The following MOCOS variants were observed in gnomAD, a reference collection of about 807,000 sequenced individuals.
MOCOS encodes the protein human molybdenum cofactor sulfurase.
MOCOS carries 86 observed loss-of-function variants against 83.6 expected under a neutral mutation model. That is an observed-to-expected ratio of 1.03 (90% confidence interval 0.86 to 1.23). The LOEUF is 1.23. Among genes scored for constraint, MOCOS ranks in the 50% most tolerant of loss-of-function variants. The probability of loss-of-function intolerance (pLI) is 0.00; values close to 1 mark genes in which losing one functional copy is unlikely to be tolerated. For synonymous variants in MOCOS, 445 were observed against 434.7 expected (o/e 1.02, Z -0.29); for missense variants, 1,120 against 1,126.9 (o/e 0.99, Z 0.09).
intron 11 of MOCOS, among the ~76,000 whole-genome samples, chr18:36,254,580 T>C (rs2144144662): frequency 6.6e-6 from 1 of 151,080 alleles, no homozygotes; most frequent in African/African-American, 2.4e-5. Context: ...TTCCTTTTCA[T>C]ATATATGTGT....
intron 9 of MOCOS, among the ~76,000 whole-genome samples, chr18:36,232,918 G>T (rs2091543984): frequency 6.7e-6 from 1 of 150,186 alleles, no homozygotes; most frequent in South Asian, 2.1e-4. Context: ...ATTAATTGAT[G>T]AACACTTAAG....
At position 36,215,938 on chromosome 18, in the gene MOCOS, C is replaced by G. The variant is rs756552495; in HGVS notation, c.1758C>G (p.Asn586Lys). Residue 586 changes from asparagine (N) to lysine (K), a missense_variant, in exon 8 of 15, where the codon AAC becomes AAG. By Grantham distance (94) the Asn-to-Lys change is moderately conservative. Coordinates refer to ENST00000261326, the MANE Select transcript of MOCOS (RefSeq NM_017947.4). ...EGALGPHVVTNLYLYPIKSCA... is the reference protein window; with the variant it reads ...EGALGPHVVTKLYLYPIKSCA... ...CCCTTGGGCCACATGTTGTCACTAA[C>G]CTTTATCTCTATCCAATCAAATCCT... 6.2e-7 allele frequency: 1 copy of G among 1,613,838 alleles called. No individual in the cohort carries two copies. The highest frequency in any genetic ancestry group is 8.5e-7 in the Non-Finnish European group (1 of 1,179,938).
At chr18:36,201,449 G>A (rs1385395173) in intron 4 of MOCOS, among the ~76,000 whole-genome samples, 1 of 152,050 alleles carries the variant, frequency 6.6e-6, no homozygotes, top group Non-Finnish European at 1.5e-5. Flanking sequence ...GGATCATGAG[G>A]TCAGGAGTTC....
At chr18:36,227,016 A>G (rs2091518391) in intron 9 of MOCOS, among the ~76,000 whole-genome samples, 2 of 146,654 alleles carry the variant, frequency 1.4e-5, no homozygotes, top group Admixed American at 1.3e-4. Flanking sequence ...CCTCCTGAGT[A>G]GTCCTAAGCT....
In MOCOS at chr18:36,198,687, C is replaced by T. The variant is rs1175886517; in HGVS notation, c.233-3C>T. 2 of 1,614,152 alleles carry T rather than the reference C, an allele frequency of 1.2e-6. No homozygotes were observed. The highest frequency in any genetic ancestry group is 1.7e-5 in the Admixed American group (1 of 60,020). On this transcript the variant is annotated splice_polypyrimidine_tract_variant and splice_region_variant and intron_variant, in intron 2 of 14. Coordinates refer to ENST00000261326, the MANE Select transcript of MOCOS (RefSeq NM_017947.4). ...TGGTGGCCTTGTCTTTGTAACCTGC[C>T]AGGTAATCCTCACAGCCAGAACATC...
chr18:36,218,992 C>T (rs1337595586), intron 8 of MOCOS, among the ~76,000 whole-genome samples: 1 of 149,180 alleles, frequency 6.7e-6, no homozygotes, highest in East Asian at 2.0e-4. Flanking sequence ...CCTCAGCCTC[C>T]AGAGCAGCTA....
At chr18:36,251,935 G>A (rs1052670283) in intron 11 of MOCOS, among the ~76,000 whole-genome samples, 4 of 152,050 alleles carry the variant, frequency 2.6e-5, no homozygotes, top group South Asian at 2.1e-4. Context: ...CTGCAGCAAC[G>A]TAGCAACCTT....
intron 10 of MOCOS, 70 bp downstream of exon 10, chr18:36,249,070 G>A: frequency 7.6e-7 from 1 of 1,310,828 alleles, no homozygotes; most frequent in South Asian, 1.2e-5. Flanking sequence ...AGAGGGTAAT[G>A]CCCTATGCAA....
At chr18:36,235,105 C>T (rs978114619) in intron 9 of MOCOS, among the ~76,000 whole-genome samples, 4 of 151,954 alleles carry the variant, frequency 2.6e-5, no homozygotes, top group Admixed American at 6.6e-5. Flanking sequence ...CATGCCTTCT[C>T]AACAGTACCC....
At chr18:36,234,366 T>C (rs1044674464) in intron 9 of MOCOS, among the ~76,000 whole-genome samples, 2 of 152,236 alleles carry the variant, frequency 1.3e-5, no homozygotes, top group Non-Finnish European at 2.9e-5. Flanking sequence ...TTCTGGGTTC[T>C]TTATTCTGTT....
chr18:36,191,749 T>C (rs1160604077), intron 1 of MOCOS, among the ~76,000 whole-genome samples: 1 of 11,382 alleles, frequency 8.8e-5, no homozygotes, highest in Non-Finnish European at 2.2e-4. Context: ...AAAATACGTG[T>C]GCACACACAC....
chr18:36,200,294 T>C lies in MOCOS; in HGVS notation c.911T>C (p.Phe304Ser), dbSNP rs1351466756. The change falls in exon 4 of 15, where the codon TTC becomes TCC. Residue 304 changes from phenylalanine to serine, a missense_variant. By Grantham distance (155) the Phe-to-Ser change is radical (BLOSUM62 -2). Coordinates refer to ENST00000261326, the MANE Select transcript of MOCOS (RefSeq NM_017947.4). ...TASAYLAGED[F>S]YIPRQSVAQR... ...TCTGCGTACCTAGCAGGAGAAGACT[T>C]CTACATCCCGAGGCAGTCGGTAGCT... is the stretch of plus-strand genomic sequence containing the variant. 6.2e-7 allele frequency: 1 copy of C among 1,613,992 alleles called. No homozygotes were observed. The highest frequency in any genetic ancestry group is 1.3e-5 in the African/African-American group (1 of 74,910).
At position 36,266,757 on chromosome 18, in the gene MOCOS, G is replaced by A. The variant is rs528754639; in HGVS notation, c.2418G>A (p.Gly806=). The A allele has an allele frequency of 2.2e-5, 36 of 1,614,006 alleles. No homozygotes were observed. The highest frequency in any genetic ancestry group is 1.5e-4 in the Admixed American group (9 of 60,030). Residue 806 remains glycine (G), a synonymous_variant, in exon 14 of 15, where the codon GGG becomes GGA. Transcript: ENST00000261326. The part of the protein sequence containing the change: ...SIGSLRFQVL[G]PCHRCQMICI... ...TCCTTCTCACCTGCCAGGTTTTGGG[G>A]CCTTGTCACAGATGCCAGATGATTT...
rs759595391 is a variant in MOCOS at position 36,205,152 on chromosome 18, A to T, written c.1094A>T (p.Tyr365Phe). 1 of 1,613,490 alleles carries T rather than the reference A, an allele frequency of 6.2e-7. No individual in the cohort carries two copies. Among genetic ancestry groups the T allele is most frequent in the South Asian group, 1.1e-5 (1 of 91,056 alleles). The change falls in exon 6 of 15, where the codon TAC becomes TTC. Residue 365 changes from tyrosine to phenylalanine, a missense_variant. Transcript: ENST00000261326. ...TACGTGGCCCTGTCCTCTCTCCAGT[A>T]CCCCAATGGAGCCCCTGTGGTGCGG... Reference protein sequence around the residue: ...YTYVALSSLQYPNGAPVVRIY... With the variant: ...YTYVALSSLQFPNGAPVVRIY...
rs1180215077 is a variant in MOCOS, at chr18:36,271,644, C to CT, written c.*2965dup. 6.6e-6 allele frequency: 1 copy of CT among 152,186 alleles called. No homozygotes were observed. Among genetic ancestry groups the CT allele is most frequent in the East Asian group, 1.9e-4 (1 of 5,168 alleles). 9.4% of individuals were successfully genotyped at this position (152,186 alleles called of 1,614,324 possible). A position where few individuals can be genotyped will look rare whatever the true frequency, so the allele number is the denominator to read the frequency against. ...CTTGGTGTTAGAGTCACAAAAAGTC[C>CT]TTTTTTAAAAAAACTTGGTGAGAAC... is the stretch of plus-strand genomic sequence containing the variant. On this transcript the variant is annotated 3_prime_UTR_variant, in exon 15 of 15. Coordinates refer to ENST00000261326, the MANE Select transcript of MOCOS (RefSeq NM_017947.4).
Position 36,268,851 on chromosome 18 carries a change from C to A in MOCOS, c.*166C>A. 1 of 656,094 alleles carries A rather than the reference C, an allele frequency of 1.5e-6. No homozygotes were observed. 40.6% of individuals were successfully genotyped at this position (656,094 alleles called of 1,614,324 possible). ...CTTCTGCCTTTGACTTCTCACCCTG[C>A]AAATTTGCACTGGCTGTGCTCAGGA... On this transcript the variant is annotated 3_prime_UTR_variant, in exon 15 of 15. Transcript: ENST00000261326.
chr18:36,225,393 G>A (rs972390000), intron 9 of MOCOS, among the ~76,000 whole-genome samples: 4 of 152,098 alleles, frequency 2.6e-5, no homozygotes, highest in Non-Finnish European at 5.9e-5. Flanking sequence ...CTCGTGATCT[G>A]CCTGCCTTGG....
At chr18:36,205,504 CTGTTGGGTCTTTGCCATAGT>C (rs1336355358) in intron 6 of MOCOS, among the ~76,000 whole-genome samples, 2 of 152,200 alleles carry the variant, frequency 1.3e-5, no homozygotes, top group African/African-American at 4.8e-5. Context: ...AGGTGGGAAA[CTGTTGGGTCTTTGCCATAGT>C]AGAATAAGCT....
At chr18:36,254,617 A>G (rs2091635244) in intron 11 of MOCOS, among the ~76,000 whole-genome samples, 1 of 150,686 alleles carries the variant, frequency 6.6e-6, no homozygotes, top group South Asian at 2.1e-4. Flanking sequence ...ACACACACAC[A>G]TATATATATG....
Sources: allele counts gnomAD v4.1 joint callset (sites outside exome capture counted in the v4.1 genomes callset), GRCh38; gene constraint gnomAD v4.1.1; transcripts MANE v1.5; gene names NCBI Gene and HGNC (gene_info 2026-07-23, HGNC 2026-07-21).